ROBO2: variants seen among roughly 807,000 people sequenced by gnomAD.
ROBO2 encodes roundabout homolog 2.
ROBO2 carries 53 observed loss-of-function variants against 160.8 expected under a neutral mutation model. The observed-to-expected ratio is 0.33, with a 90% CI of 0.26 to 0.41. The LOEUF (loss-of-function observed/expected upper bound fraction) is 0.41. ROBO2 is among the 10% of genes least tolerant of loss of function. The pLI is 1.00. For synonymous variants in ROBO2, 664 were observed against 611.7 expected (o/e 1.09, Z -1.26); for missense variants, 1,577 against 1,722.4 (o/e 0.92, Z 1.49).
chr3:76,400,725 T>G (rs1463468989), intron 2 of ROBO2, among the ~76,000 whole-genome samples: 2 of 151,572 alleles, frequency 1.3e-5, no homozygotes, highest in Non-Finnish European at 3.0e-5. Flanking sequence ...ACTTGCTCAT[T>G]CAATATCTGC....
intron 2 of ROBO2, among the ~76,000 whole-genome samples, chr3:76,632,566 G>GGAAAAGT (rs1313320044): frequency 1.3e-5 from 2 of 151,998 alleles, no homozygotes; most frequent in Non-Finnish European, 2.9e-5. Flanking sequence ...ATCAAAGAAA[G>GGAAAAGT]GAAAAGTAGA....
At chr3:77,143,068 C>T (rs2076831546) in intron 2 of ROBO2, among the ~76,000 whole-genome samples, 1 of 149,488 alleles carries the variant, frequency 6.7e-6, no homozygotes, top group Non-Finnish European at 1.5e-5. Flanking sequence ...CTCTGTGTGT[C>T]TTAATACCAG....
At chr3:76,440,357 C>T (rs184410529) in intron 2 of ROBO2, among the ~76,000 whole-genome samples, 4 of 151,992 alleles carry the variant, frequency 2.6e-5, no homozygotes. Context: ...CCCATTAACT[C>T]GTCATTTACA....
At chr3:76,705,989 CTTTCAT>C (rs1359153981) in intron 2 of ROBO2, among the ~76,000 whole-genome samples, 3 of 152,010 alleles carry the variant, frequency 2.0e-5, no homozygotes, top group Non-Finnish European at 4.4e-5. Flanking sequence ...TTTAAAAAGA[CTTTCAT>C]TAACATATTT....
chr3:76,647,286 G>T (rs1465718835), intron 2 of ROBO2, among the ~76,000 whole-genome samples: 5 of 152,160 alleles, frequency 3.3e-5, no homozygotes, highest in Non-Finnish European at 7.3e-5. Context: ...AGAAATTTCC[G>T]TGGTTCAAAT....
At chr3:77,534,985 T>C (rs1017836295) in intron 6 of ROBO2, among the ~76,000 whole-genome samples, 1 of 152,148 alleles carries the variant, frequency 6.6e-6, no homozygotes, top group Non-Finnish European at 1.5e-5. Flanking sequence ...ATAAAAAGAT[T>C]AAGCAACATT....
At chr3:77,387,331 C>T (rs76884725) in intron 2 of ROBO2, among the ~76,000 whole-genome samples, 12 of 108,604 alleles carry the variant, frequency 1.1e-4, no homozygotes, top group Non-Finnish European at 1.9e-4. Flanking sequence ...AGGGAAACCC[C>T]GTCTCTCAAA....
At position 76,631,826 on chromosome 3, in the gene ROBO2, G is replaced by C. The variant is rs138222863; in HGVS notation, c.110-466188G>C. Among the ~76,000 whole-genome samples the C allele has an allele frequency of 1.8e-3, 277 of 152,240 alleles. 3 individuals are homozygous for C. The highest frequency in any genetic ancestry group is 6.3e-3 in the African/African-American group (260 of 41,540). On this transcript the variant is annotated intron_variant, in intron 2 of 26. Transcript: ENST00000487694. ...AGGAGGAGTAGATAAGTAACTTTAAGTACTGGCGGATGTGTACAGATGATG... is the reference window on the plus strand; with the variant it reads ...AGGAGGAGTAGATAAGTAACTTTAACTACTGGCGGATGTGTACAGATGATG...
chr3:77,541,448 T>C (rs922573008), intron 6 of ROBO2, among the ~76,000 whole-genome samples: 4 of 152,218 alleles, frequency 2.6e-5, no homozygotes, highest in Admixed American at 6.5e-5. Context: ...GAATGCAGTA[T>C]CAAAGCATCA....
intron 2 of ROBO2, among the ~76,000 whole-genome samples, chr3:76,091,408 C>A (rs142188292): frequency 7.2e-5 from 11 of 152,194 alleles, no homozygotes; most frequent in African/African-American, 2.4e-4. Context: ...TGGCCAAAAT[C>A]CAAATCACTG....
chr3:76,567,620 G>GAGATATATAT (rs1491185088), intron 2 of ROBO2, among the ~76,000 whole-genome samples: 1 of 33,272 alleles, frequency 3.0e-5, no homozygotes, highest in Admixed American at 4.9e-4. Context: ...CCAAACTACT[G>GAGATATATAT]ATATATATAT....
At chr3:77,327,327 T>A (rs993037543) in intron 2 of ROBO2, among the ~76,000 whole-genome samples, 1 of 152,140 alleles carries the variant, frequency 6.6e-6, no homozygotes, top group African/African-American at 2.4e-5. Flanking sequence ...TCGTTCACAG[T>A]GTATGTCATT....
chr3:77,291,656 CAT>C (rs1453952122), intron 2 of ROBO2, among the ~76,000 whole-genome samples: 5 of 150,960 alleles, frequency 3.3e-5, no homozygotes, highest in African/African-American at 1.2e-4. Context: ...TCACCCCAGA[CAT>C]AAAGTAAAAT....
At chr3:77,431,268 G>A (rs1187579931) in intron 2 of ROBO2, among the ~76,000 whole-genome samples, 4 of 152,120 alleles carry the variant, frequency 2.6e-5, no homozygotes, top group Non-Finnish European at 5.9e-5. Flanking sequence ...TTAGATATGG[G>A]AGTATGGTGA....
intron 2 of ROBO2, among the ~76,000 whole-genome samples, chr3:75,961,231 A>G (rs1048993869): frequency 6.6e-6 from 1 of 151,652 alleles, no homozygotes; most frequent in African/African-American, 2.4e-5. Flanking sequence ...TTTCAAATGT[A>G]GTTTTTCATT....
At chr3:76,186,073 C>T (rs1559622502) in intron 2 of ROBO2, among the ~76,000 whole-genome samples, 1 of 151,598 alleles carries the variant, frequency 6.6e-6, no homozygotes, top group South Asian at 2.1e-4. Context: ...AGATGGACTA[C>T]AAACATGCAC....
intron 2 of ROBO2, among the ~76,000 whole-genome samples, chr3:77,341,247 G>A (rs889073487): frequency 8.6e-5 from 13 of 151,930 alleles, no homozygotes; most frequent in Admixed American, 3.3e-4. Flanking sequence ...TTAATTCCCC[G>A]AACCTCTTAC....
At chr3:75,914,412 G>A (rs1420979500) in intron 1 of ROBO2, among the ~76,000 whole-genome samples, 2 of 152,110 alleles carry the variant, frequency 1.3e-5, no homozygotes, top group Non-Finnish European at 2.9e-5. Flanking sequence ...TGAAACAGTA[G>A]TGCAGTAAGT....
At chr3:76,465,963 C>A (rs558446856) in intron 2 of ROBO2, among the ~76,000 whole-genome samples, 1 of 150,720 alleles carries the variant, frequency 6.6e-6, no homozygotes, top group African/African-American at 2.4e-5. Context: ...TCTCTGTGCT[C>A]CTCACTCCAG....
Sources: allele counts gnomAD v4.1 joint callset (sites outside exome capture counted in the v4.1 genomes callset), GRCh38; gene constraint gnomAD v4.1.1; transcripts MANE v1.5; gene names NCBI Gene and HGNC (gene_info 2026-07-23, HGNC 2026-07-21).